Variants in MRPL39 observed in about 807,000 individuals in gnomAD.
The protein encoded by MRPL39 is mitochondrial ribosomal protein L39.
In MRPL39, 35 loss-of-function variants were observed where a neutral mutation model predicts 44.5. The observed-to-expected ratio is 0.79, with a 90% CI of 0.60 to 1.04. MRPL39 has a LOEUF of 1.04. Ranked by LOEUF, MRPL39 falls within the 50% of genes least tolerant of loss-of-function variation. The probability of loss-of-function intolerance (pLI) is 0.00; values close to 1 mark genes in which losing one functional copy is unlikely to be tolerated. For missense variants in MRPL39, 433 were observed against 413.5 expected, an observed-to-expected ratio of 1.05 and a Z score of -0.41; for synonymous variants, 139 against 136.1, an observed-to-expected ratio of 1.02 and a Z score of -0.15.
At chr21:25,600,566 C>T (rs1306487254) in intron 4 of MRPL39, among the ~76,000 whole-genome samples, 1 of 80,426 alleles carries the variant, frequency 1.2e-5, no homozygotes, top group Non-Finnish European at 2.8e-5. Context: ...TTAGGTATAT[C>T]TACTTCTTTA....
At chr21:25,599,412 AT>A (rs1380152981) in intron 5 of MRPL39, among the ~76,000 whole-genome samples, 1 of 152,192 alleles carries the variant, frequency 6.6e-6, no homozygotes, top group African/African-American at 2.4e-5. Flanking sequence ...CCAAACAAGT[AT>A]GGCTCCAGGC....
At chr21:25,590,891 T>A (rs1321274515) in intron 8 of MRPL39, among the ~76,000 whole-genome samples, 2 of 152,162 alleles carry the variant, frequency 1.3e-5, no homozygotes, top group African/African-American at 2.4e-5. Flanking sequence ...AGAGCTACAG[T>A]AATCAAGACT....
chr21:25,595,871 G>A (rs1282953596), intron 6 of MRPL39, among the ~76,000 whole-genome samples: 1 of 151,946 alleles, frequency 6.6e-6, no homozygotes, highest in Non-Finnish European at 1.5e-5. Flanking sequence ...GTGACTTCAC[G>A]TGTTCAGATA....
upstream of MRPL39, chr21:25,607,498 C>G (rs1362237418): frequency 1.2e-6 from 2 of 1,607,614 alleles, no homozygotes; most frequent in African/African-American, 1.3e-5. Context: ...AACCGTCGCG[C>G]GCAAGTCCTT....
At chr21:25,591,127 T>C (rs949152048) in intron 8 of MRPL39, among the ~76,000 whole-genome samples, 5 of 132,222 alleles carry the variant, frequency 3.8e-5, no homozygotes, top group Non-Finnish European at 7.9e-5. Context: ...CTCACACTCA[T>C]AGAAAAATTA....
At chr21:25,607,581 C>T (rs1446464715), upstream of MRPL39, 10 of 1,125,872 alleles carry the variant, frequency 8.9e-6, no homozygotes, top group Admixed American at 2.1e-4. Context: ...GGACCCAGCA[C>T]TCAGACTGCT....
intron 1 of MRPL39, 105 bp from the exon 2 acceptor site, chr21:25,606,760 C>T (rs2031688610): frequency 1.2e-6 from 1 of 853,118 alleles, no homozygotes; most frequent in East Asian, 2.6e-5. Flanking sequence ...TTAACAAACA[C>T]CAGCGGAAGA....
At chr21:25,587,737 G>A (rs1337917057) in intron 9 of MRPL39, 23 of 1,612,820 alleles carry the variant, frequency 1.4e-5, no homozygotes, top group Middle Eastern at 1.6e-4. Context: ...CGACTCAGGC[G>A]AGGTAGTGAA....
At chr21:25,601,534 T>G in intron 3 of MRPL39, 67 bp from the exon 4 acceptor site, 1 of 1,061,386 alleles carries the variant, frequency 9.4e-7, no homozygotes, top group Non-Finnish European at 1.3e-6. Flanking sequence ...GTTTTGACAA[T>G]ATTAAATTTT....
chr21:25,607,546 G>C (rs1473505709), upstream of MRPL39: 5 of 1,505,838 alleles, frequency 3.3e-6, no homozygotes, highest in Non-Finnish European at 4.5e-6. Flanking sequence ...CGCGCACTCG[G>C]AGTTCCGCAG....
intron 8 of MRPL39, 41 bp downstream of exon 8, chr21:25,592,771 A>G: frequency 6.8e-7 from 1 of 1,474,734 alleles, no homozygotes; most frequent in Non-Finnish European, 9.2e-7. Flanking sequence ...AATTATATCT[A>G]TACCCAAATT....
chr21:25,595,628 C>A (rs1043126140), intron 6 of MRPL39, among the ~76,000 whole-genome samples: 4 of 152,162 alleles, frequency 2.6e-5, no homozygotes, highest in African/African-American at 4.8e-5. Flanking sequence ...AAGTGTAAAA[C>A]ACATACCAGG....
At chr21:25,602,485 G>A (rs2031550542) in intron 3 of MRPL39, among the ~76,000 whole-genome samples, 1 of 152,172 alleles carries the variant, frequency 6.6e-6, no homozygotes, top group Non-Finnish European at 1.5e-5. Flanking sequence ...CATACTCATT[G>A]TTGGCTATTA....
chr21:25,601,508 A>G lies in MRPL39; in HGVS notation c.421-41T>C, dbSNP rs779002325. On this transcript the variant is annotated intron_variant, in intron 3 of 9. Transcript: ENST00000352957. ...ACATATATAAAATATATATAAACAC[A>G]CTGAGATTCACTAAAGTTTTGACAA... 3.2e-6 allele frequency: 4 copies of G among 1,243,068 alleles called. No individual in the cohort carries two copies. In the South Asian group the frequency reaches 5.0e-5, roughly 16 times the overall value. 77.0% of individuals were successfully genotyped at this position (1,243,068 alleles called of 1,614,324 possible).
intron 8 of MRPL39, among the ~76,000 whole-genome samples, chr21:25,591,079 C>CAAA (rs55796940): frequency 4.6e-4 from 59 of 129,070 alleles, no homozygotes; most frequent in African/African-American, 1.1e-3. Context: ...CTATAGCCCA[C>CAAA]AAAAAAAAAA....
intron 1 of MRPL39, among the ~76,000 whole-genome samples, chr21:25,606,887 C>A (rs1010951355): frequency 2.0e-5 from 3 of 152,038 alleles, no homozygotes; most frequent in African/African-American, 7.2e-5. Flanking sequence ...CAATAAGGGG[C>A]AAAAAGTAAC....
At chr21:25,607,322 C>A in intron 1 of MRPL39, 81 bp downstream of exon 1, 1 of 1,521,796 alleles carries the variant, frequency 6.6e-7, no homozygotes, top group East Asian at 2.3e-5. Context: ...GCGGGACCTC[C>A]CCGGCCCCGC....
upstream of MRPL39, among the ~76,000 whole-genome samples, chr21:25,607,720 A>G (rs2031739902): frequency 6.6e-6 from 1 of 152,148 alleles, no homozygotes; most frequent in Non-Finnish European, 1.5e-5. Context: ...CAGGGCCCCC[A>G]GGGCGGTCGG....
At chr21:25,599,958 G>A in intron 4 of MRPL39, 92 bp from the exon 5 acceptor site, 1 of 914,710 alleles carries the variant, frequency 1.1e-6, no homozygotes. Flanking sequence ...ACCATAAAAA[G>A]GATTAGCACT....
Sources: allele counts gnomAD v4.1 joint callset (sites outside exome capture counted in the v4.1 genomes callset), GRCh38; gene constraint gnomAD v4.1.1; transcripts MANE v1.5; gene names NCBI Gene and HGNC (gene_info 2026-07-23, HGNC 2026-07-21).